CDH12: variants seen among roughly 807,000 people sequenced by gnomAD.
CDH12 encodes the protein cadherin 12.
Under a neutral mutation model 74.1 loss-of-function variants are expected in CDH12, and 41 were observed. The observed-to-expected ratio is 0.55, with a 90% CI of 0.43 to 0.72. CDH12 has a LOEUF of 0.72. CDH12 is among the 30% of genes least tolerant of loss of function. The probability of loss-of-function intolerance (pLI) is 0.00; values close to 1 mark genes in which losing one functional copy is unlikely to be tolerated. For missense variants in CDH12, 945 were observed against 977.2 expected (o/e 0.97, Z 0.44); for synonymous variants, 399 against 355.0 (o/e 1.12, Z -1.39).
chr5:22,218,783 A>G (rs1751911677), intron 3 of CDH12, among the ~76,000 whole-genome samples: 1 of 151,790 alleles, frequency 6.6e-6, no homozygotes, highest in Non-Finnish European at 1.5e-5. Flanking sequence ...TTCTTCTTTA[A>G]TAAAACAGAA....
chr5:21,844,209 G>C (rs1484224709), intron 7 of CDH12, among the ~76,000 whole-genome samples: 1 of 151,766 alleles, frequency 6.6e-6, no homozygotes, highest in African/African-American at 2.4e-5. Flanking sequence ...TTGCTTAATT[G>C]TTGAGAAATT....
chr5:21,925,058 G>A (rs1196264173), intron 6 of CDH12, among the ~76,000 whole-genome samples: 3 of 151,968 alleles, frequency 2.0e-5, no homozygotes, highest in South Asian at 2.1e-4. Flanking sequence ...AAACAAAGAG[G>A]AAAAGTTAAA....
chr5:22,395,107 T>C (rs932875657), intron 3 of CDH12, among the ~76,000 whole-genome samples: 3 of 152,124 alleles, frequency 2.0e-5, no homozygotes, highest in Admixed American at 1.3e-4. Context: ...ATTAAGGCTT[T>C]TCAGATGAAG....
intron 5 of CDH12, among the ~76,000 whole-genome samples, chr5:22,032,084 C>T (rs577361043): frequency 6.6e-6 from 1 of 151,396 alleles, no homozygotes; most frequent in South Asian, 2.1e-4. Context: ...GGATGTATGA[C>T]AATATTATAA....
chr5:22,655,752 G>T (rs144631473), intron 1 of CDH12, among the ~76,000 whole-genome samples: 3 of 152,160 alleles, frequency 2.0e-5, no homozygotes, highest in East Asian at 3.9e-4. Flanking sequence ...TTATGCTGTC[G>T]CATCTCTCAC....
At chr5:22,477,054 C>T (rs1227720332) in intron 2 of CDH12, among the ~76,000 whole-genome samples, 1 of 152,116 alleles carries the variant, frequency 6.6e-6, no homozygotes. Context: ...AACGGTTATA[C>T]ACACGCATAC....
Position 22,482,353 on chromosome 5 carries a change from C to T in CDH12, c.-428+22917G>A, listed in dbSNP as rs1465145705. Among the ~76,000 whole-genome samples the T allele has an allele frequency of 3.3e-5, 5 of 152,082 alleles. No homozygotes were observed. The East Asian group carries it at 9.7e-4, about 29-fold the overall frequency. Reference sequence around the variant, plus strand: ...CAGCATGCTTGACATGTTAGCTGATCATTTGCTCTCTTGACTCTACCTTGT... The same window carrying T: ...CAGCATGCTTGACATGTTAGCTGATTATTTGCTCTCTTGACTCTACCTTGT... On this transcript the variant is annotated intron_variant, in intron 2 of 14. Transcript: ENST00000382254.
chr5:21,854,595 T>C, intron 7 of CDH12, 76 bp downstream of exon 7: 1 of 1,231,314 alleles, frequency 8.1e-7, no homozygotes, highest in Admixed American at 2.1e-5. Context: ...AATATGCAAC[T>C]CCCCATGCCA....
At chr5:22,065,257 A>G (rs945651317) in intron 5 of CDH12, among the ~76,000 whole-genome samples, 2 of 152,150 alleles carry the variant, frequency 1.3e-5, no homozygotes, top group African/African-American at 2.4e-5. Flanking sequence ...TGCATTAAAT[A>G]CCAAAAGAAC....
intron 4 of CDH12, among the ~76,000 whole-genome samples, chr5:22,102,741 G>C (rs1744215816): frequency 6.6e-6 from 1 of 151,988 alleles, no homozygotes. Flanking sequence ...AACAGTGTTG[G>C]GGGGAGGGGC....
In CDH12 at chr5:22,048,159, C is replaced by CT. The variant is rs899575910; in HGVS notation, c.231+30286dup. Among the ~76,000 whole-genome samples, 4 of 152,102 alleles carry CT rather than the reference C, an allele frequency of 2.6e-5. No individual in the cohort carries two copies. In the South Asian group the frequency reaches 8.3e-4, roughly 32 times the overall value. ...AACCTGGATCTGGCAAGGTAGAAGT[C>CT]TTTTTTCTTTCTCATCATAAGACTG... On this transcript the variant is annotated intron_variant, in intron 5 of 14. Coordinates refer to ENST00000382254, the MANE Select transcript of CDH12 (RefSeq NM_004061.5).
At chr5:22,499,969 A>G (rs1450536108) in intron 2 of CDH12, among the ~76,000 whole-genome samples, 1 of 152,178 alleles carries the variant, frequency 6.6e-6, no homozygotes, top group African/African-American at 2.4e-5. Context: ...CTGCAGAATC[A>G]GAAACTGAAT....
chr5:21,857,832 T>C (rs113391071), intron 6 of CDH12, among the ~76,000 whole-genome samples: 1,985 of 151,954 alleles, frequency 0.013, 40 homozygotes, highest in African/African-American at 0.045. Context: ...ATCTACGTTC[T>C]CACAATTTTG....
At chr5:21,907,790 T>C (rs1753706050) in intron 6 of CDH12, among the ~76,000 whole-genome samples, 1 of 152,194 alleles carries the variant, frequency 6.6e-6, no homozygotes, top group African/African-American at 2.4e-5. Flanking sequence ...TTAAATAAAA[T>C]GAAAGATTAT....
At chr5:22,782,469 C>T (rs1014843058) in intron 1 of CDH12, among the ~76,000 whole-genome samples, 1 of 152,130 alleles carries the variant, frequency 6.6e-6, no homozygotes, top group African/African-American at 2.4e-5. Context: ...AGGGTACTTG[C>T]TTCTCTTTTG....
At chr5:21,956,363 TA>T (rs1420811523) in intron 6 of CDH12, among the ~76,000 whole-genome samples, 1 of 152,000 alleles carries the variant, frequency 6.6e-6, no homozygotes, top group African/African-American at 2.4e-5. Flanking sequence ...ATTTGACATT[TA>T]AAAAAAGCAT....
At chr5:22,652,469 C>T (rs1221226638) in intron 1 of CDH12, among the ~76,000 whole-genome samples, 2 of 152,142 alleles carry the variant, frequency 1.3e-5, no homozygotes, top group African/African-American at 4.8e-5. Context: ...TCAGTAGCTT[C>T]ATTTCAGATC....
intron 7 of CDH12, among the ~76,000 whole-genome samples, chr5:21,851,873 C>A (rs1355560046): frequency 1.3e-5 from 2 of 151,324 alleles, no homozygotes; most frequent in East Asian, 1.9e-4. Context: ...AAATGAAACA[C>A]AAAATGATCT....
chr5:21,854,002 G>C (rs116084622), intron 7 of CDH12, among the ~76,000 whole-genome samples: 1,721 of 151,738 alleles, frequency 0.011, 27 homozygotes, highest in African/African-American at 0.039. Flanking sequence ...TCAACATTCA[G>C]ATATTGATTG....
Sources: allele counts gnomAD v4.1 joint callset (sites outside exome capture counted in the v4.1 genomes callset), GRCh38; gene constraint gnomAD v4.1.1; transcripts MANE v1.5; gene names NCBI Gene and HGNC (gene_info 2026-07-23, HGNC 2026-07-21).